Variants in PTPRE observed in about 807,000 individuals in gnomAD.
PTPRE encodes receptor-type tyrosine-protein phosphatase epsilon.
In PTPRE, 51 loss-of-function variants were observed where a neutral mutation model predicts 102.0. The observed-to-expected ratio is 0.50, with a 90% CI of 0.40 to 0.63. The LOEUF is 0.63. Ranked by LOEUF, PTPRE falls within the 30% of genes least tolerant of loss-of-function variation. PTPRE has a pLI of 0.00. For missense variants in PTPRE, 752 were observed against 915.1 expected (o/e 0.82, Z 2.30); for synonymous variants, 345 against 348.2 (o/e 0.99, Z 0.10).
chr10:128,045,169 G>T (rs1338893897), intron 3 of PTPRE, among the ~76,000 whole-genome samples: 1 of 152,282 alleles, frequency 6.6e-6, no homozygotes, highest in Non-Finnish European at 1.5e-5. Context: ...CAGGAACAGA[G>T]CTGGGGAAGC....
chr10:128,064,255 A>G (rs564653232), intron 10 of PTPRE, among the ~76,000 whole-genome samples: 1 of 152,314 alleles, frequency 6.6e-6, no homozygotes, highest in Admixed American at 6.5e-5. Context: ...CACCCAAAAC[A>G]CAGGAAGCAG....
intron 2 of PTPRE, among the ~76,000 whole-genome samples, chr10:127,996,532 C>T (rs1187707607): frequency 6.6e-6 from 1 of 152,242 alleles, no homozygotes; most frequent in Non-Finnish European, 1.5e-5. Context: ...AATGTATGCC[C>T]CTGCAGCTTC....
intron 1 of PTPRE, among the ~76,000 whole-genome samples, chr10:127,970,009 C>A (rs1164919862): frequency 6.6e-6 from 1 of 152,196 alleles, no homozygotes; most frequent in Non-Finnish European, 1.5e-5. Context: ...AATTTGGATT[C>A]TTTTGTGACC....
At chr10:127,977,137 A>C (rs940906694) in intron 1 of PTPRE, among the ~76,000 whole-genome samples, 1 of 152,288 alleles carries the variant, frequency 6.6e-6, no homozygotes, top group Admixed American at 6.5e-5. Flanking sequence ...TTGCTACCCC[A>C]GTGCCCTAAT....
At chr10:128,025,437 C>T (rs563576994) in intron 2 of PTPRE, among the ~76,000 whole-genome samples, 162 of 152,268 alleles carry the variant, frequency 1.1e-3, no homozygotes, top group African/African-American at 3.8e-3. Flanking sequence ...GAGGTCAGGA[C>T]GTGGTCATTT....
chr10:127,945,082 C>G (rs1178075663), intron 1 of PTPRE, among the ~76,000 whole-genome samples: 1 of 152,148 alleles, frequency 6.6e-6, no homozygotes, highest in Non-Finnish European at 1.5e-5. Context: ...AAGCCTATCT[C>G]CTTCATTGGA....
rs1447453097 is a variant in PTPRE, at chr10:127,907,576, C to T, written c.-31+267C>T. ...TTGGCGACCACAGTGGCAGTGCTCA[C>T]GCTCCCTCTCGGTAAACAGGAGGAG... On this transcript the variant is annotated intron_variant, in intron 1 of 20. Transcript: ENST00000254667. This position sits in a 1 kb window ranked among gnomAD's most constrained non-coding sequence, Gnocchi z 4.8. Among the ~76,000 whole-genome samples, 3 of 152,090 alleles carry T rather than the reference C, an allele frequency of 2.0e-5. No individual in the cohort carries two copies. Among genetic ancestry groups the T allele is most frequent in the Admixed American group, 2.0e-4 (3 of 15,300 alleles).
chr10:127,954,288 A>G (rs1849243112), intron 1 of PTPRE, among the ~76,000 whole-genome samples: 2 of 152,218 alleles, frequency 1.3e-5, no homozygotes, highest in African/African-American at 4.8e-5. Flanking sequence ...CCTGCTGCAG[A>G]GATCAACATG....
chr10:128,067,444 A>C (rs1465495184), intron 11 of PTPRE, among the ~76,000 whole-genome samples: 1 of 150,898 alleles, frequency 6.6e-6, no homozygotes, highest in Non-Finnish European at 1.5e-5. Context: ...ACATTCACAC[A>C]TGCACACACA....
At chr10:127,963,378 C>A (rs1849982623) in intron 1 of PTPRE, among the ~76,000 whole-genome samples, 3 of 152,210 alleles carry the variant, frequency 2.0e-5, no homozygotes, top group Non-Finnish European at 2.9e-5. Context: ...CAGGTTGCAT[C>A]TTCTCAAAGA....
intron 1 of PTPRE, among the ~76,000 whole-genome samples, chr10:127,908,640 A>C (rs920764782): frequency 6.6e-6 from 1 of 152,170 alleles, no homozygotes; most frequent in Non-Finnish European, 1.5e-5. Context: ...TTTGGGGAGC[A>C]AAAGGTCAGA....
At chr10:128,037,957 A>ATTTT (rs34089996) in intron 2 of PTPRE, among the ~76,000 whole-genome samples, 3 of 115,944 alleles carry the variant, frequency 2.6e-5, no homozygotes, top group Admixed American at 9.6e-5. Context: ...TGTCCGGCTA[A>ATTTT]TTTTTTTTTT....
At chr10:128,018,338 A>G (rs61873753) in intron 2 of PTPRE, among the ~76,000 whole-genome samples, 39,545 of 152,144 alleles carry the variant, frequency 0.26, 5,547 homozygotes, top group Non-Finnish European at 0.31. Flanking sequence ...CACAGGCACC[A>G]GACCCCCAGG....
chr10:128,069,961 C>T, intron 13 of PTPRE, 134 bp downstream of exon 13: 1 of 1,379,786 alleles, frequency 7.2e-7, no homozygotes, highest in Non-Finnish European at 1.0e-6. Flanking sequence ...CTTCGCTCCC[C>T]ATAGCCTTCC....
intron 1 of PTPRE, among the ~76,000 whole-genome samples, chr10:127,917,684 T>G (rs1033833050): frequency 6.6e-6 from 1 of 152,016 alleles, no homozygotes; most frequent in Admixed American, 6.6e-5. Flanking sequence ...TTTTTTATTT[T>G]GAAAATTGGG....
intron 2 of PTPRE, among the ~76,000 whole-genome samples, chr10:128,009,610 G>A (rs1293311813): frequency 6.6e-6 from 1 of 152,188 alleles, no homozygotes; most frequent in Non-Finnish European, 1.5e-5. Flanking sequence ...CTGGCCCAGA[G>A]CTACACGGCT....
chr10:127,916,981 A>G (rs1204269349), intron 1 of PTPRE, among the ~76,000 whole-genome samples: 2 of 151,996 alleles, frequency 1.3e-5, no homozygotes, highest in Admixed American at 6.6e-5. Context: ...AGCCCCACAG[A>G]GCCCAGCAGC....
At chr10:128,036,510 C>A (rs900023666) in intron 2 of PTPRE, among the ~76,000 whole-genome samples, 1 of 152,190 alleles carries the variant, frequency 6.6e-6, no homozygotes, top group African/African-American at 2.4e-5. Context: ...AGCCCAGTAA[C>A]TGGGAGCTTA....
intron 2 of PTPRE, among the ~76,000 whole-genome samples, chr10:128,021,030 GA>G (rs1269484688): frequency 3.3e-5 from 5 of 152,046 alleles, no homozygotes; most frequent in African/African-American, 1.2e-4. Context: ...GAGTAGCTGG[GA>G]CTACAGGTGC....
Sources: allele counts gnomAD v4.1 joint callset (sites outside exome capture counted in the v4.1 genomes callset), GRCh38; gene constraint gnomAD v4.1.1; non-coding constraint Gnocchi (gnomAD v3.1); transcripts MANE v1.5; gene names NCBI Gene and HGNC (gene_info 2026-07-23, HGNC 2026-07-21).